The following WRNIP1 variants were observed in gnomAD, a reference collection of about 807,000 sequenced individuals.
WRNIP1 encodes ATPase WRNIP1.
Under a neutral mutation model 56.1 loss-of-function variants are expected in WRNIP1, and 41 were observed. That is an observed-to-expected ratio of 0.73 (90% CI 0.57 to 0.95). WRNIP1 has a LOEUF of 0.95. Ranked by LOEUF, WRNIP1 falls within the 40% of genes least tolerant of loss-of-function variation. WRNIP1 has a pLI of 0.00. For missense variants in WRNIP1, 1,170 were observed against 939.4 expected (o/e 1.25, Z -3.21); for synonymous variants, 547 against 398.1 (o/e 1.37, Z -4.45).
intron 1 of WRNIP1, among the ~76,000 whole-genome samples, chr6:2,766,878 CAAATT>C (rs1288161837): frequency 2.0e-5 from 3 of 151,114 alleles, no homozygotes; most frequent in African/African-American, 7.3e-5. Context: ...TGAAAAAAAT[CAAATT>C]AATTCTGTTG....
chr6:2,784,298 C>T, intron 5 of WRNIP1, 26 bp from the exon 6 acceptor site: 1 of 1,606,084 alleles, frequency 6.2e-7, no homozygotes, highest in Non-Finnish European at 8.5e-7. Context: ...ATGACTGAAA[C>T]TCTCCTTTGT....
rs1367058070 is a variant in WRNIP1 at position 2,765,946 on chromosome 6, C to T, written c.324C>T (p.Arg108=). The T allele has an allele frequency of 4.9e-6, 7 of 1,440,346 alleles. No homozygotes were observed. The highest frequency in any genetic ancestry group is 3.0e-5 in the East Asian group (1 of 33,048). 89.2% of individuals were successfully genotyped at this position (1,440,346 alleles called of 1,614,324 possible). A position where few individuals can be genotyped will look rare whatever the true frequency, so the allele number is the denominator to read the frequency against. Residue 108 remains arginine (R), a synonymous_variant, in exon 1 of 7, where the codon CGC becomes CGT. Coordinates refer to ENST00000380773, the MANE Select transcript of WRNIP1 (RefSeq NM_020135.3). ...ACGACGGCGGCGAGACCGAGAGCCG[C>T]GAGAGCTACGACGCGCCGCCCACAC... ...EGDDGGETES[R]ESYDAPPTPS...
Position 2,766,202 on chromosome 6 carries a change from G to C in WRNIP1, c.580G>C (p.Ala194Pro). 7.0e-7 allele frequency: 1 copy of C among 1,438,702 alleles called. No homozygotes were observed. The highest frequency in any genetic ancestry group is 2.9e-5 in the East Asian group (1 of 34,566). 89.1% of individuals were successfully genotyped at this position (1,438,702 alleles called of 1,614,324 possible). Residue 194 changes from alanine to proline, a missense_variant, in exon 1 of 7, where the codon GCC becomes CCC. Coordinates refer to ENST00000380773, the MANE Select transcript of WRNIP1 (RefSeq NM_020135.3). ...DDPGHWDADAAEAATAFGASG... is the reference protein window; with the variant it reads ...DDPGHWDADAPEAATAFGASG... ...CCCGGGGCACTGGGACGCGGACGCTGCCGAAGCCGCCACCGCCTTCGGGGC... is the reference window on the plus strand; with the variant it reads ...CCCGGGGCACTGGGACGCGGACGCTCCCGAAGCCGCCACCGCCTTCGGGGC...
At position 2,770,197 on chromosome 6, in the gene WRNIP1, C is replaced by G; in HGVS notation, c.1092C>G (p.Val364=). The G allele has an allele frequency of 6.2e-7, 1 of 1,614,170 alleles. No homozygotes were observed. Among genetic ancestry groups the G allele is most frequent in the Non-Finnish European group, 8.5e-7 (1 of 1,180,024 alleles). The change falls in exon 3 of 7, where the codon GTC becomes GTG. Residue 364 remains valine, a synonymous_variant. Coordinates refer to ENST00000380773, the MANE Select transcript of WRNIP1 (RefSeq NM_020135.3). ...CCACTGAAAACCCTTCCTTCCAGGT[C>G]AACGCTGCTCTTCTGAGCCGCTGTC... The part of the protein sequence containing the change: ...GATTENPSFQ[V]NAALLSRCRV...
rs138932547 is a variant in WRNIP1 at position 2,783,552 on chromosome 6, G to C, written c.1633G>C (p.Glu545Gln). The change falls in exon 5 of 7, where the codon GAG (glutamate) becomes CAG (glutamine). Residue 545 changes from glutamate to glutamine, a missense_variant. Coordinates refer to ENST00000380773, the MANE Select transcript of WRNIP1 (RefSeq NM_020135.3). ...ACGGAGGCTTGTCAGGTTTGCCAGC[G>C]AGGACATAGGTGAGTGTGATGGGAG... Reference protein sequence around the residue: ...VARRLVRFASEDIGLADPSAL... With the variant: ...VARRLVRFASQDIGLADPSAL... The C allele has an allele frequency of 6.2e-7, 1 of 1,608,738 alleles. No individual in the cohort carries two copies. Among genetic ancestry groups the C allele is most frequent in the South Asian group, 1.1e-5 (1 of 90,644 alleles).
At chr6:2,766,478 T>G in intron 1 of WRNIP1, 34 bp downstream of exon 1, 1 of 1,467,572 alleles carries the variant, frequency 6.8e-7, no homozygotes, top group Non-Finnish European at 9.1e-7. Context: ...GCTTCCGTAG[T>G]TATCTCGGCG....
In WRNIP1 at chr6:2,768,880, C is replaced by T; in HGVS notation, c.1012C>T (p.Gln338Ter). The change falls in exon 2 of 7, where the codon CAG becomes TAG. Residue 338 changes from glutamine to a stop codon, truncating the protein, a stop_gained and splice_region_variant. Coordinates refer to ENST00000380773, the MANE Select transcript of WRNIP1 (RefSeq NM_020135.3). LOFTEE classifies it high-confidence loss of function. ...GATTCATCGGTTCAATAAATCTCAG[C>T]AGGTATATTAACTTCCTTCTACCTT... ...DEIHRFNKSQ[Q>*]DTFLPHVECG... 6.2e-7 allele frequency: 1 copy of T among 1,607,500 alleles called. No homozygotes were observed.
chr6:2,766,518 G>A (rs1247400193), intron 1 of WRNIP1, 74 bp downstream of exon 1: 6 of 1,432,138 alleles, frequency 4.2e-6, no homozygotes, highest in Non-Finnish European at 5.5e-6. Flanking sequence ...GGAGAGCCGG[G>A]TGTGCTGCCC....
Position 2,765,717 on chromosome 6 carries a change from T to G in WRNIP1, c.95T>G (p.Ile32Ser), listed in dbSNP as rs1391606371. The G allele has an allele frequency of 6.5e-7, 1 of 1,542,992 alleles. No homozygotes were observed. The highest frequency in any genetic ancestry group is 8.7e-7 in the Non-Finnish European group (1 of 1,153,184). Residue 32 changes from isoleucine (I) to serine (S), a missense_variant, in exon 1 of 7, where the codon ATC (isoleucine) becomes AGC (serine). Coordinates refer to ENST00000380773, the MANE Select transcript of WRNIP1 (RefSeq NM_020135.3). Reference sequence around the variant, plus strand: ...CAGCAGATGATGCCCGCCGCGCACATCAACTCGCACCTGGACCGCTGTCTG... The same window carrying G: ...CAGCAGATGATGCCCGCCGCGCACAGCAACTCGCACCTGGACCGCTGTCTG... Reference protein sequence around the residue: ...VCQQMMPAAHINSHLDRCLLL... With the variant: ...VCQQMMPAAHSNSHLDRCLLL...
intron 3 of WRNIP1, among the ~76,000 whole-genome samples, chr6:2,770,746 C>T (rs1253711818): frequency 1.3e-5 from 2 of 152,034 alleles, no homozygotes; most frequent in African/African-American, 4.8e-5. Flanking sequence ...ACTTACCATA[C>T]AACTCTTTTG....
chr6:2,768,951 A>C (rs936961175), intron 2 of WRNIP1, 69 bp downstream of exon 2: 9 of 1,456,986 alleles, frequency 6.2e-6, no homozygotes, highest in Middle Eastern at 2.6e-4. Flanking sequence ...TGAGATCACT[A>C]TACAAACGCT....
Position 2,766,184 on chromosome 6 carries a change from C to A in WRNIP1, c.562C>A (p.His188Asn), listed in dbSNP as rs1374687504. ...ADADGEDDPG[H>N]WDADAAEAAT... ...CGCGGACGGCGAGGACGACCCGGGGCACTGGGACGCGGACGCTGCCGAAGC... is the reference window on the plus strand; with the variant it reads ...CGCGGACGGCGAGGACGACCCGGGGAACTGGGACGCGGACGCTGCCGAAGC... The change falls in exon 1 of 7, where the codon CAC becomes AAC. Residue 188 changes from histidine to asparagine, a missense_variant. Transcript: ENST00000380773. 2.9e-6 allele frequency: 4 copies of A among 1,382,700 alleles called. No individual in the cohort carries two copies. Among genetic ancestry groups the A allele is most frequent in the Non-Finnish European group, 3.7e-6 (4 of 1,070,702 alleles). 85.7% of individuals were successfully genotyped at this position (1,382,700 alleles called of 1,614,324 possible).
At chr6:2,780,428 G>T (rs1011766940) in intron 4 of WRNIP1, among the ~76,000 whole-genome samples, 2 of 152,166 alleles carry the variant, frequency 1.3e-5, no homozygotes, top group African/African-American at 4.8e-5. Context: ...GACCTAGGGG[G>T]GCTGACCAAA....
rs160700 is a variant in WRNIP1, at chr6:2,786,194, T to C, written c.*912T>C. 0.99 allele frequency: 151,116 copies of C among 152,366 alleles called. 74,956 individuals are homozygous for C. Among genetic ancestry groups the C allele is most frequent in the East Asian group, 1 (5,178 of 5,178 alleles). The allele number at this position is 152,366 out of a possible 1,614,324, so 9.4% of individuals were successfully genotyped here. A position where few individuals can be genotyped will look rare whatever the true frequency, so the allele number is the denominator to read the frequency against. ...TTCAGGTAGTCGGTTCTCCTCCTGC[T>C]GTTGCGTGATCCCTCCTGGGGTCCT... is the stretch of plus-strand genomic sequence containing the variant. On this transcript the variant is annotated 3_prime_UTR_variant, in exon 7 of 7. Transcript: ENST00000380773.
Position 2,766,400 on chromosome 6 carries a change from G to GA in WRNIP1, c.781dup (p.Ile261AsnfsTer29). On this transcript the variant is annotated frameshift_variant, in exon 1 of 7. Coordinates refer to ENST00000380773, the MANE Select transcript of WRNIP1 (RefSeq NM_020135.3). LOFTEE classifies it high-confidence loss of function. ...GCTGCGCTCGCTCCTGGAGACCAACGAAATCCCCTCGCTTATCCTGTGGGG... is the reference window on the plus strand; with the variant it reads ...GCTGCGCTCGCTCCTGGAGACCAACGAAAATCCCCTCGCTTATCCTGTGGGG... The GA allele has an allele frequency of 6.2e-7, 1 of 1,606,236 alleles. No individual in the cohort carries two copies.
At chr6:2,767,930 T>G (rs1582166187) in intron 1 of WRNIP1, among the ~76,000 whole-genome samples, 1 of 152,202 alleles carries the variant, frequency 6.6e-6, no homozygotes, top group Non-Finnish European at 1.5e-5. Context: ...TCTACAACTT[T>G]TAGAAAAGAA....
chr6:2,766,548 T>G, intron 1 of WRNIP1, 104 bp downstream of exon 1: 1 of 1,407,884 alleles, frequency 7.1e-7, no homozygotes, highest in South Asian at 1.5e-5. Context: ...GCCGCCTGCC[T>G]CTCCTGGATA....
At position 2,785,877 on chromosome 6, in the gene WRNIP1, T is replaced by C. The variant is rs1458072312; in HGVS notation, c.*595T>C. On this transcript the variant is annotated 3_prime_UTR_variant, in exon 7 of 7. Transcript: ENST00000380773. ...AGAGTGGGGAGCTTAAGTTAAGAAG[T>C]CAGTGTTATCTTGTTGAAAGTTAAC... 1 of 154,706 alleles carries C rather than the reference T, an allele frequency of 6.5e-6. No homozygotes were observed. The highest frequency in any genetic ancestry group is 2.4e-5 in the African/African-American group (1 of 41,438). 9.6% of individuals were successfully genotyped at this position (154,706 alleles called of 1,614,324 possible).
At chr6:2,783,653 T>TTTTTTTG in intron 5 of WRNIP1, 92 bp downstream of exon 5, 29 of 120,102 alleles carry the variant, frequency 2.4e-4, no homozygotes, top group South Asian at 5.7e-4. Flanking sequence ...TTTTTTTTTT[T>TTTTTTTG]GCAGGGCGGG....
Sources: gnomAD v4.1 joint callset for allele counts (sites outside exome capture counted in the v4.1 genomes callset) on GRCh38, gnomAD v4.1.1 for gene constraint, MANE v1.5 for transcripts, NCBI Gene and HGNC (gene_info 2026-07-23, HGNC 2026-07-21) for gene names.